The following FGD2 variants were observed in gnomAD, a reference collection of about 807,000 sequenced individuals.
FGD2 encodes the protein FYVE, RhoGEF and PH domain containing 2, also known as FYVE, RhoGEF and PH domain-containing protein 2.
A neutral mutation model predicts 75.9 loss-of-function variants in FGD2; 52 were observed. The observed-to-expected ratio is 0.69, with a 90% CI of 0.55 to 0.86. The LOEUF is 0.86. Ranked by LOEUF, FGD2 falls within the 40% of genes least tolerant of loss-of-function variation. FGD2 has a pLI of 0.00. For synonymous variants in FGD2, 347 were observed against 348.6 expected, an observed-to-expected ratio of 1.00 and a Z score of 0.05; for missense variants, 790 against 872.0, an observed-to-expected ratio of 0.91 and a Z score of 1.18.
At position 37,005,726 on chromosome 6, in the gene FGD2, A is replaced by G; in HGVS notation, c.-92A>G. On this transcript the variant is annotated 5_prime_UTR_variant, in exon 1 of 16. Coordinates refer to ENST00000274963, the MANE Select transcript of FGD2 (RefSeq NM_173558.4). ...AACAGATTCATGGGTGATTTAGCCT[A>G]TCTGTCCCAGGCCAGCGTGGCTGAG... 7.3e-7 allele frequency: 1 copy of G among 1,363,662 alleles called. No individual in the cohort carries two copies. Among genetic ancestry groups the G allele is most frequent in the Non-Finnish European group, 1.0e-6 (1 of 964,990 alleles). 84.5% of individuals were successfully genotyped at this position (1,363,662 alleles called of 1,614,324 possible).
chr6:37,019,043 T>C (rs1279204482), intron 9 of FGD2, among the ~76,000 whole-genome samples: 1 of 152,156 alleles, frequency 6.6e-6, no homozygotes, highest in Non-Finnish European at 1.5e-5. Flanking sequence ...GAGCCCCCAG[T>C]TCCCTTTTTT....
intron 9 of FGD2, among the ~76,000 whole-genome samples, chr6:37,018,579 C>T (rs1399200013): frequency 6.6e-6 from 1 of 152,148 alleles, no homozygotes; most frequent in Non-Finnish European, 1.5e-5. Flanking sequence ...TTGCCATCCC[C>T]CACAGGGCCA....
chr6:37,015,807 C>T lies in FGD2; in HGVS notation c.1069C>T (p.Gln357Ter). 1 of 1,596,932 alleles carries T rather than the reference C, an allele frequency of 6.3e-7. No individual in the cohort carries two copies. ...MLLYCVPRVI[Q>*]VGAQFQVRTR... ...GCTCTACTGTGTGCCCAGGGTGATC[C>T]AGGTGGGCGCCCAGTTCCAGGTGAG... The change falls in exon 9 of 16, where the codon CAG (glutamine) becomes TAG (stop). Residue 357 changes from glutamine (Q) to a stop codon, truncating the protein, a stop_gained. Transcript: ENST00000274963. LOFTEE classifies it high-confidence loss of function.
intron 2 of FGD2, chr6:37,010,030 A>AT (rs1236178207): frequency 6.6e-6 from 1 of 151,580 alleles, no homozygotes; most frequent in Admixed American, 6.6e-5. Context: ...AAAAAAAAAA[A>AT]ATGTAGGGGC....
intron 1 of FGD2, among the ~76,000 whole-genome samples, chr6:37,006,145 G>A (rs1357126858): frequency 6.6e-6 from 1 of 152,270 alleles, no homozygotes; most frequent in Non-Finnish European, 1.5e-5. Flanking sequence ...CAAAGCCTGT[G>A]TGTGGGCACA....
At position 37,028,632 on chromosome 6, in the gene FGD2, T is replaced by TTTTTTTTTG. The variant is rs58267479; in HGVS notation, c.*469_*470insTTTTTTTTG. The TTTTTTTTTG allele has an allele frequency of 6.9e-6, 1 of 145,812 alleles. No homozygotes were observed. The highest frequency in any genetic ancestry group is 1.5e-5 in the Non-Finnish European group (1 of 66,782). The allele number at this position is 145,812 out of a possible 1,614,324, so 9.0% of individuals were successfully genotyped here. A position where few individuals can be genotyped will look rare whatever the true frequency, so the allele number is the denominator to read the frequency against. On this transcript the variant is annotated 3_prime_UTR_variant, in exon 16 of 16. Coordinates refer to ENST00000274963, the MANE Select transcript of FGD2 (RefSeq NM_173558.4). ...CATGGGGTCTTTTTTTTTTTTTTTT[T>TTTTTTTTTG]GAGACAGAGTCTTACTCTGTTTCCC...
At chr6:37,020,471 C>G in intron 9 of FGD2, 70 bp from the exon 10 acceptor site, 2 of 1,425,332 alleles carry the variant, frequency 1.4e-6, no homozygotes, top group Non-Finnish European at 1.9e-6. Flanking sequence ...ACCTCCCTCC[C>G]CTCCACAGTG....
At chr6:37,006,885 C>T (rs1461096261) in intron 1 of FGD2, among the ~76,000 whole-genome samples, 1 of 152,110 alleles carries the variant, frequency 6.6e-6, no homozygotes, top group East Asian at 1.9e-4. Context: ...AGCTCTGGAG[C>T]TGGGATGCCT....
In FGD2 at chr6:37,014,059, A is replaced by T; in HGVS notation, c.782A>T (p.Gln261Leu). 1 of 1,614,134 alleles carries T rather than the reference A, an allele frequency of 6.2e-7. No homozygotes were observed. The highest frequency in any genetic ancestry group is 8.5e-7 in the Non-Finnish European group (1 of 1,179,980). Residue 261 changes from glutamine (Q) to leucine (L), a missense_variant, in exon 6 of 16, where the codon CAG (glutamine) becomes CTG (leucine). Coordinates refer to ENST00000274963, the MANE Select transcript of FGD2 (RefSeq NM_173558.4). The stretch of plus-strand genomic sequence containing the variant: ...GAGCTGCTGCTCAAGGAGTACATCC[A>T]GAAGCTGCCAGCCCAGGCCCCAGAC... ...RYELLLKEYI[Q>L]KLPAQAPDQA...
chr6:37,011,198 TG>T, intron 3 of FGD2, 148 bp downstream of exon 3: 1 of 713,548 alleles, frequency 1.4e-6, no homozygotes, highest in Non-Finnish European at 2.4e-6. Flanking sequence ...CCTCAATGGC[TG>T]GGGTTGGGGT....
chr6:37,015,986 G>A (rs1428808750), intron 9 of FGD2, 126 bp downstream of exon 9: 3 of 835,390 alleles, frequency 3.6e-6, no homozygotes, highest in Non-Finnish European at 3.7e-6. Flanking sequence ...GGGCAAACAT[G>A]GAGATGGAAG....
Position 37,011,707 on chromosome 6 carries a change from T to C in FGD2, c.380T>C (p.Val127Ala). 1 of 1,609,652 alleles carries C rather than the reference T, an allele frequency of 6.2e-7. No homozygotes were observed. Among genetic ancestry groups the C allele is most frequent in the South Asian group, 1.1e-5 (1 of 90,766 alleles). ...AGTGACCTGTCGTGGCGGCTACAGG[T>C]GTTTTTCCAGGAGCTGCTGAAGACA... The part of the protein sequence containing the change: ...YVARLHLLDQ[V>A]FFQELLKTAR... The change falls in exon 4 of 16, where the codon GTG becomes GCG. Residue 127 changes from valine (V) to alanine (A), a missense_variant and splice_region_variant. Physicochemically the swap from Val to Ala is moderately conservative, Grantham distance 64 (BLOSUM62 0). Transcript: ENST00000274963.
chr6:37,022,403 C>T, intron 13 of FGD2, 33 bp downstream of exon 13: 1 of 1,537,518 alleles, frequency 6.5e-7, no homozygotes, highest in South Asian at 1.2e-5. Flanking sequence ...CTGCCTCCAC[C>T]TGCGTCACCC....
At chr6:37,011,123 C>A (rs763402544) in intron 3 of FGD2, 73 bp downstream of exon 3, 2 of 1,404,378 alleles carry the variant, frequency 1.4e-6, no homozygotes, top group South Asian at 1.2e-5. Context: ...TCAGCCTTCC[C>A]ACCCTGCTCA....
intron 7 of FGD2, 34 bp from the exon 8 acceptor site, chr6:37,014,858 C>T: frequency 3.1e-6 from 5 of 1,611,438 alleles, no homozygotes; most frequent in Non-Finnish European, 4.2e-6. Context: ...GAGCCCTGCC[C>T]AGACTTGGCT....
intron 1 of FGD2, 81 bp from the exon 2 acceptor site, chr6:37,008,753 A>G: frequency 1.4e-6 from 2 of 1,396,980 alleles, no homozygotes; most frequent in Non-Finnish European, 1.9e-6. Context: ...GCACCAGGCA[A>G]CCCAAATCCA....
rs1427829909 is a variant in FGD2 at position 37,005,768 on chromosome 6, C to T, written c.-50C>T. On this transcript the variant is annotated 5_prime_UTR_variant, in exon 1 of 16. Transcript: ENST00000274963. Reference sequence around the variant, plus strand: ...GTGGCTGAGTGTGCTGGCTGGAGGCCTCTCTCTCTGCTTCGAGGGTAGCTG... The same window carrying T: ...GTGGCTGAGTGTGCTGGCTGGAGGCTTCTCTCTCTGCTTCGAGGGTAGCTG... The T allele has an allele frequency of 6.9e-6, 11 of 1,594,166 alleles. No individual in the cohort carries two copies. The highest frequency in any genetic ancestry group is 9.4e-6 in the Non-Finnish European group (11 of 1,165,648).
At chr6:37,012,428 A>C (rs1280093754) in intron 4 of FGD2, among the ~76,000 whole-genome samples, 1 of 152,126 alleles carries the variant, frequency 6.6e-6, no homozygotes, top group African/African-American at 2.4e-5. Flanking sequence ...TAAGATAATA[A>C]TAGCCAGGTT....
chr6:37,021,802 G>A lies in FGD2; in HGVS notation c.1326+198G>A, dbSNP rs1442001101. On this transcript the variant is annotated intron_variant, in intron 12 of 15. Transcript: ENST00000274963. ...TCCCCTTTAGCAAAACTTCCTTTGAGAGCCTGTCTGCACAGCTGTCTTGGG... is the reference window on the plus strand; with the variant it reads ...TCCCCTTTAGCAAAACTTCCTTTGAAAGCCTGTCTGCACAGCTGTCTTGGG... 3.8e-5 allele frequency: 22 copies of A among 573,640 alleles called. No homozygotes were observed. In the Admixed American group the frequency reaches 6.4e-4, roughly 17 times the overall value. 35.5% of individuals were successfully genotyped at this position (573,640 alleles called of 1,614,324 possible).
Sources: gnomAD v4.1 joint callset for allele counts (sites outside exome capture counted in the v4.1 genomes callset) on GRCh38, gnomAD v4.1.1 for gene constraint, MANE v1.5 for transcripts, NCBI Gene and HGNC (gene_info 2026-07-23, HGNC 2026-07-21) for gene names.